The following MKLN1 variants were observed in gnomAD, a reference collection of about 807,000 sequenced individuals.
The protein encoded by MKLN1 is muskelin.
MKLN1 carries 18 observed loss-of-function variants against 99.0 expected under a neutral mutation model. That is an observed-to-expected ratio of 0.18 (90% confidence interval 0.13 to 0.27). The LOEUF is 0.27. MKLN1 is among the 10% of genes least tolerant of loss of function. The pLI is 1.00. For missense variants in MKLN1, 621 were observed against 875.9 expected (o/e 0.71, Z 3.67); for synonymous variants, 288 against 293.2 (o/e 0.98, Z 0.18).
intron 5 of MKLN1, among the ~76,000 whole-genome samples, chr7:131,398,704 A>G (rs898796858): frequency 2.3e-5 from 3 of 129,376 alleles, no homozygotes; most frequent in Admixed American, 7.8e-5. Context: ...AAAAGAAAGA[A>G]AAAAAAAAAG....
chr7:131,184,814 C>T (rs953300565), intron 2 of MKLN1, among the ~76,000 whole-genome samples: 1 of 152,206 alleles, frequency 6.6e-6, no homozygotes, highest in African/African-American at 2.4e-5. Flanking sequence ...GCATGAGCCA[C>T]CATGCCCGGC....
At chr7:131,478,954 G>A (rs1797043737) in intron 17 of MKLN1, 1 of 456,434 alleles carries the variant, frequency 2.2e-6, no homozygotes, top group Non-Finnish European at 3.9e-6. Context: ...AATTTGTATA[G>A]CACTGCCTTG....
intron 3 of MKLN1, among the ~76,000 whole-genome samples, chr7:131,236,201 T>C (rs535999463): frequency 1.3e-5 from 2 of 152,320 alleles, no homozygotes; most frequent in East Asian, 3.9e-4. Flanking sequence ...AGAGATATGA[T>C]TTGATTTCTC....
At chr7:131,308,937 T>C (rs1798512308) in intron 3 of MKLN1, among the ~76,000 whole-genome samples, 10 of 152,236 alleles carry the variant, frequency 6.6e-5, no homozygotes, top group Admixed American at 6.5e-4. Context: ...TTTTACTCTC[T>C]GTAAAGATGG....
chr7:131,229,161 CT>C (rs35413730), intron 3 of MKLN1, among the ~76,000 whole-genome samples: 1,926 of 147,898 alleles, frequency 0.013, 14 homozygotes, highest in African/African-American at 0.021. Flanking sequence ...TTTAGGGATT[CT>C]TTTTTTTTTT....
At chr7:131,417,352 C>CT (rs1233335693) in intron 8 of MKLN1, among the ~76,000 whole-genome samples, 1 of 152,090 alleles carries the variant, frequency 6.6e-6, no homozygotes, top group Non-Finnish European at 1.5e-5. Context: ...GGAGTGCTTT[C>CT]TTTTTTTCTT....
At chr7:131,377,080 G>C (rs189780300) in intron 2 of MKLN1, among the ~76,000 whole-genome samples, 1 of 152,082 alleles carries the variant, frequency 6.6e-6, no homozygotes, top group Non-Finnish European at 1.5e-5. Context: ...CTGATGATAG[G>C]CATTTAGGCT....
At chr7:131,428,160 G>A (rs1795413828) in intron 8 of MKLN1, among the ~76,000 whole-genome samples, 2 of 151,984 alleles carry the variant, frequency 1.3e-5, no homozygotes, top group South Asian at 4.1e-4. Context: ...GAGAGACCGT[G>A]TCTCAAAATA....
At chr7:131,302,486 A>G (rs1448962978) in intron 3 of MKLN1, among the ~76,000 whole-genome samples, 4 of 152,214 alleles carry the variant, frequency 2.6e-5, no homozygotes, top group African/African-American at 9.6e-5. Context: ...CACTCTTCCC[A>G]AAAGGCTGTT....
At chr7:131,129,910 AAAAG>A (rs1412636609) in intron 1 of MKLN1, among the ~76,000 whole-genome samples, 1 of 152,212 alleles carries the variant, frequency 6.6e-6, no homozygotes, top group Non-Finnish European at 1.5e-5. Context: ...TTCTCAGAAA[AAAAG>A]AAAGACTGAC....
chr7:131,169,201 C>G (rs1304938600), intron 2 of MKLN1, among the ~76,000 whole-genome samples: 2 of 152,216 alleles, frequency 1.3e-5, no homozygotes, highest in Non-Finnish European at 2.9e-5. Flanking sequence ...ATTTTCTCAT[C>G]TAAAGTCCTA....
chr7:131,399,532 T>G, intron 6 of MKLN1, 99 bp downstream of exon 6: 1 of 987,296 alleles, frequency 1.0e-6, no homozygotes, highest in Non-Finnish European at 1.5e-6. Flanking sequence ...ACTGTAATTT[T>G]TTTTCTTGGT....
chr7:131,204,333 T>C (rs1796773676), intron 3 of MKLN1, among the ~76,000 whole-genome samples: 2 of 152,206 alleles, frequency 1.3e-5, no homozygotes, highest in South Asian at 4.1e-4. Flanking sequence ...GGTATGATCA[T>C]CTTTTGCTTC....
At chr7:131,452,242 T>G (rs1376735683) in intron 12 of MKLN1, among the ~76,000 whole-genome samples, 1 of 152,182 alleles carries the variant, frequency 6.6e-6, no homozygotes, top group Non-Finnish European at 1.5e-5. Context: ...TCTCTGAACC[T>G]GATTATTCAT....
chr7:131,119,909 A>G (rs1391392402), intron 1 of MKLN1, among the ~76,000 whole-genome samples: 1 of 152,200 alleles, frequency 6.6e-6, no homozygotes. Flanking sequence ...TTTCTGCTGC[A>G]TGGTCAGGCT....
chr7:131,352,040 T>C (rs938165176), intron 1 of MKLN1, among the ~76,000 whole-genome samples: 1 of 152,254 alleles, frequency 6.6e-6, no homozygotes, highest in African/African-American at 2.4e-5. Context: ...AAATGCTTAA[T>C]TCTTTCCTTT....
Position 131,274,836 on chromosome 7 carries a change from T to A in MKLN1, c.-179+71862T>A, listed in dbSNP as rs372968237. ...TTTCCTGCTATGTGATATGGGGCAA[T>A]AATAAACACTAATCCCCTGTAGGGA... On this transcript the variant is annotated intron_variant, in intron 3 of 7. Transcript: ENST00000416992. 5.8e-4 allele frequency among the ~76,000 whole-genome samples: 89 copies of A among 152,194 alleles called. 1 individual carries two copies. Among genetic ancestry groups the A allele is most frequent in the African/African-American group, 1.8e-3 (75 of 41,526 alleles).
intron 3 of MKLN1, among the ~76,000 whole-genome samples, chr7:131,266,868 G>A (rs947073115): frequency 1.3e-5 from 2 of 151,902 alleles, no homozygotes; most frequent in Non-Finnish European, 2.9e-5. Context: ...AAGGACTAGA[G>A]TGTCTTGGGG....
At chr7:131,235,029 A>C (rs1797297722) in intron 3 of MKLN1, among the ~76,000 whole-genome samples, 1 of 152,232 alleles carries the variant, frequency 6.6e-6, no homozygotes, top group Non-Finnish European at 1.5e-5. Flanking sequence ...TAAAGAATCC[A>C]TTCAGTCTTC....
Sources: gnomAD v4.1 joint callset for allele counts (sites outside exome capture counted in the v4.1 genomes callset) on GRCh38, gnomAD v4.1.1 for gene constraint, MANE v1.5 for transcripts, NCBI Gene and HGNC (gene_info 2026-07-23, HGNC 2026-07-21) for gene names.